Variants in CPAMD8 observed in about 807,000 individuals in gnomAD.
CPAMD8 encodes the protein C3 and PZP like alpha-2-macroglobulin domain containing 8.
Under a neutral mutation model 224.7 loss-of-function variants are expected in CPAMD8, and 146 were observed. That is an observed-to-expected ratio of 0.65 (90% CI 0.57 to 0.75). The LOEUF is 0.75. Among genes scored for constraint, CPAMD8 ranks in the 30% least tolerant of loss-of-function variants. The pLI is 0.00. For synonymous variants in CPAMD8, 966 were observed against 1,044.6 expected (o/e 0.92, Z 1.45); for missense variants, 2,301 against 2,537.5 (o/e 0.91, Z 2.00).
intron 8 of CPAMD8, among the ~76,000 whole-genome samples, 170 bp downstream of exon 8, chr19:17,004,103 G>A (rs1317902285): frequency 2.0e-5 from 3 of 151,582 alleles, no homozygotes; most frequent in Admixed American, 2.0e-4. Context: ...ACGAGGTTTC[G>A]CCATGTTGGC....
intron 18 of CPAMD8, among the ~76,000 whole-genome samples, chr19:16,963,775 T>C (rs1457879947): frequency 1.3e-5 from 2 of 152,160 alleles, no homozygotes; most frequent in Non-Finnish European, 2.9e-5. Context: ...TATTCTGAAA[T>C]TGACCACATA....
rs769811498 is a variant in CPAMD8 at position 16,914,502 on chromosome 19, CA to C, written c.3787-5del. 1 of 1,613,946 alleles carries C rather than the reference CA, an allele frequency of 6.2e-7. No individual in the cohort carries two copies. Among genetic ancestry groups the C allele is most frequent in the Non-Finnish European group, 8.5e-7 (1 of 1,179,822 alleles). On this transcript the variant is annotated splice_region_variant and splice_polypyrimidine_tract_variant and intron_variant, in intron 28 of 41. Transcript: ENST00000443236. ...GGACAGTGCCGTGGATCCCACCCTG[CA>C]AGGGGACTCACAGGCCTCACCCTAA...
rs375651586 is a variant in CPAMD8, at chr19:16,904,330, C to T, written c.4147G>A (p.Ala1383Thr). The change falls in exon 32 of 42, where the codon GCC (alanine) becomes ACC (threonine). Residue 1383 changes from alanine (A) to threonine (T), a missense_variant. Around this residue, in one of 4 missense-constraint regions of CPAMD8, gnomAD observed 1,709 missense variants for 1,753.2 expected, o/e 0.97. Coordinates refer to ENST00000443236, the MANE Select transcript of CPAMD8 (RefSeq NM_015692.5). The stretch of plus-strand genomic sequence containing the variant: ...CCCAGCAGAGTGTAGGTCAGAAGGG[C>T]GTAGGCTGTCATTTCCACCTCGGCC... ...VSAEVEMTAY[A>T]LLTYTLLGDV... 5.1e-5 allele frequency: 83 copies of T among 1,613,672 alleles called. No individual in the cohort carries two copies. Among genetic ancestry groups the T allele is most frequent in the African/African-American group, 6.7e-5 (5 of 74,876 alleles).
At chr19:16,998,744 T>C (rs1413244127) in intron 10 of CPAMD8, among the ~76,000 whole-genome samples, 1 of 152,146 alleles carries the variant, frequency 6.6e-6, no homozygotes, top group Non-Finnish European at 1.5e-5. Flanking sequence ...GAATATAAAA[T>C]AGTGCAGCCA....
chr19:17,001,320 G>GAA (rs1170361586), intron 9 of CPAMD8, among the ~76,000 whole-genome samples: 8 of 42,462 alleles, frequency 1.9e-4, no homozygotes, highest in African/African-American at 5.0e-4. Flanking sequence ...GACTCCGTCT[G>GAA]AAAAAAAAAA....
intron 23 of CPAMD8, among the ~76,000 whole-genome samples, chr19:16,932,762 G>A (rs2053582997): frequency 1.3e-5 from 2 of 151,954 alleles, no homozygotes; most frequent in South Asian, 4.2e-4. Context: ...AACAAAAGGG[G>A]TAGAAAACCT....
In CPAMD8 at chr19:16,993,500, G is replaced by A. The variant is rs374276647; in HGVS notation, c.1182C>T (p.Tyr394=). 145 of 1,614,054 alleles carry A rather than the reference G, an allele frequency of 9.0e-5. No individual in the cohort carries two copies. The African/African-American group carries it at 1.7e-3, about 19-fold the overall frequency. The change falls in exon 12 of 42, where the codon TAC becomes TAT. Residue 394 remains tyrosine, a synonymous_variant. Coordinates refer to ENST00000443236, the MANE Select transcript of CPAMD8 (RefSeq NM_015692.5). ...CACGCTGGGACACAACTTCACTGGT[G>A]TAGATGTTATCCTTTGGTGTCAGCT... ...KAELTPKDNI[Y]TSEVVSQRGL... is the part of the protein sequence containing the mutation.
rs575811747 is a variant in CPAMD8 at position 17,009,293 on chromosome 19, G to A, written c.504+10C>T. The A allele has an allele frequency of 2.5e-6, 4 of 1,614,028 alleles. No homozygotes were observed. The African/African-American group carries it at 5.3e-5, about 22-fold the overall frequency. ...CAAGTCCAAGCCGAGGAAGGACAGA[G>A]GCCACTCACCAGGATGTAGGCTTCC... On this transcript the variant is annotated intron_variant, in intron 6 of 41. Coordinates refer to ENST00000443236, the MANE Select transcript of CPAMD8 (RefSeq NM_015692.5).
In CPAMD8 at chr19:16,952,076, T is replaced by C. The variant is rs2054316377; in HGVS notation, c.2401A>G (p.Thr801Ala). ...LGIAEPSLLK[T>A]FKPFFVDFML... ...AAGTCCACGAAGAAGGGCTTGAAGG[T>C]CTTCAGCAGGGAGGGCTCGGCGATG... The change falls in exon 20 of 42, where the codon ACC becomes GCC. Residue 801 changes from threonine to alanine, a missense_variant. This residue lies in a region of CPAMD8 where 1,709 missense variants were observed against 1,753.2 expected (regional missense o/e 0.97). Coordinates refer to ENST00000443236, the MANE Select transcript of CPAMD8 (RefSeq NM_015692.5). The C allele has an allele frequency of 1.3e-6, 2 of 1,566,458 alleles. No homozygotes were observed. Among genetic ancestry groups the C allele is most frequent in the African/African-American group, 1.4e-5 (1 of 73,848 alleles).
chr19:17,022,937 C>T (rs1407064740), intron 1 of CPAMD8, among the ~76,000 whole-genome samples: 1 of 152,038 alleles, frequency 6.6e-6, no homozygotes, highest in Non-Finnish European at 1.5e-5. Flanking sequence ...CTGACATCAG[C>T]CCCATTTAGA....
At chr19:16,900,790 T>C (rs772422461) in intron 36 of CPAMD8, among the ~76,000 whole-genome samples, 16 of 151,652 alleles carry the variant, frequency 1.1e-4, no homozygotes, top group South Asian at 6.3e-4. Flanking sequence ...GGCGGGAGGA[T>C]TGCTTGAGCC....
At chr19:16,994,371 C>T (rs1295794147) in intron 11 of CPAMD8, among the ~76,000 whole-genome samples, 1 of 152,056 alleles carries the variant, frequency 6.6e-6, no homozygotes, top group Non-Finnish European at 1.5e-5. Flanking sequence ...GTTGGAGAGC[C>T]AGCTAGAATG....
chr19:16,990,550 C>A (rs1419060735), intron 12 of CPAMD8, among the ~76,000 whole-genome samples: 11 of 151,912 alleles, frequency 7.2e-5, no homozygotes, highest in Non-Finnish European at 1.6e-4. Context: ...CAGAGCTAGA[C>A]CGTATCTCTG....
In CPAMD8 at chr19:17,000,435, G is replaced by T. The variant is rs200005690; in HGVS notation, c.846C>A (p.Arg282=). Residue 282 remains arginine, a synonymous_variant, in exon 10 of 42, where the codon CGC becomes CGA. Coordinates refer to ENST00000443236, the MANE Select transcript of CPAMD8 (RefSeq NM_015692.5). ...TCACCTTGGTTGTTCTGAGGACAGG[G>T]CGTCCCACCTCGTGGCTGTAGTACC... ...GVGYYSHEVG[R]PVLRTTKILG... is the part of the protein sequence containing the mutation. The T allele has an allele frequency of 7.4e-5, 110 of 1,489,376 alleles. No individual in the cohort carries two copies. Among genetic ancestry groups the T allele is most frequent in the Non-Finnish European group, 1.0e-4 (109 of 1,066,116 alleles). 92.3% of individuals were successfully genotyped at this position (1,489,376 alleles called of 1,614,324 possible).
chr19:16,962,728 G>A lies in CPAMD8; in HGVS notation c.2214-4813C>T, dbSNP rs1175669630. ...TATTCCTCAGGAAGAGCAACCCCAA[G>A]ACACATAATTGTCAGATTCACCAAA... On this transcript the variant is annotated intron_variant, in intron 18 of 41. Coordinates refer to ENST00000443236, the MANE Select transcript of CPAMD8 (RefSeq NM_015692.5). 5.3e-5 allele frequency among the ~76,000 whole-genome samples: 8 copies of A among 152,070 alleles called. No homozygotes were observed. In the South Asian group the frequency reaches 1.7e-3, roughly 32 times the overall value.
intron 27 of CPAMD8, among the ~76,000 whole-genome samples, chr19:16,920,030 C>A (rs2053108693): frequency 6.6e-6 from 1 of 152,282 alleles, no homozygotes; most frequent in East Asian, 1.9e-4. Context: ...TGAGGTTTGT[C>A]CAGCTTCGGG....
intron 23 of CPAMD8, among the ~76,000 whole-genome samples, 173 bp from the exon 24 acceptor site, chr19:16,929,413 G>C (rs544709927): frequency 6.6e-6 from 1 of 152,300 alleles, no homozygotes; most frequent in Admixed American, 6.5e-5. Context: ...GCACACAAAA[G>C]ATAAAATGGG....
intron 12 of CPAMD8, among the ~76,000 whole-genome samples, chr19:16,991,547 G>C (rs1278751326): frequency 6.6e-6 from 1 of 152,030 alleles, no homozygotes; most frequent in Non-Finnish European, 1.5e-5. Context: ...GCCAGGCTGT[G>C]GTCACTCTCT....
At chr19:16,960,269 T>C (rs1364877687) in intron 18 of CPAMD8, among the ~76,000 whole-genome samples, 2 of 152,136 alleles carry the variant, frequency 1.3e-5, no homozygotes, top group East Asian at 3.9e-4. Flanking sequence ...TCCTATCCTT[T>C]CAACCATCAA....
Sources: allele counts gnomAD v4.1 joint callset (sites outside exome capture counted in the v4.1 genomes callset), GRCh38; gene constraint gnomAD v4.1.1; regional missense constraint gnomAD v4.1.1; transcripts MANE v1.5; gene names NCBI Gene and HGNC (gene_info 2026-07-23, HGNC 2026-07-21).